The following ITPR2 variants were observed in gnomAD, a reference collection of about 807,000 sequenced individuals.
ITPR2 encodes the protein inositol 1,4,5-trisphosphate receptor type 2.
In ITPR2, 207 loss-of-function variants were observed where a neutral mutation model predicts 317.1. The observed-to-expected ratio is 0.65, with a 90% CI of 0.58 to 0.73. The LOEUF (loss-of-function observed/expected upper bound fraction) is 0.73. Ranked by LOEUF, ITPR2 falls within the 30% of genes least tolerant of loss-of-function variation. The pLI, the probability that ITPR2 is intolerant of heterozygous loss-of-function variation, is 0.00. For missense variants in ITPR2, 2,613 were observed against 3,284.0 expected, an observed-to-expected ratio of 0.80 and a Z score of 4.99; for synonymous variants, 1,156 against 1,149.1, an observed-to-expected ratio of 1.01 and a Z score of -0.12.
At chr12:26,356,511 G>A (rs536824795) in intron 55 of ITPR2, among the ~76,000 whole-genome samples, 16 of 152,292 alleles carry the variant, frequency 1.1e-4, no homozygotes, top group South Asian at 4.2e-4. Context: ...TATAAGATGC[G>A]TAGACACAAA....
Position 26,520,079 on chromosome 12 carries a change from G to T in ITPR2, c.5074-24819C>A, listed in dbSNP as rs141195907. On this transcript the variant is annotated intron_variant, in intron 37 of 56. Transcript: ENST00000381340. Reference sequence around the variant, plus strand: ...AAGAAACTATTCTTGTTACATTTTGGTACTATGCAGTATATTACCTATTCA... The same window carrying T: ...AAGAAACTATTCTTGTTACATTTTGTTACTATGCAGTATATTACCTATTCA... 4.4e-4 allele frequency among the ~76,000 whole-genome samples: 67 copies of T among 152,222 alleles called. 1 individual carries two copies. The highest frequency in any genetic ancestry group is 1.5e-3 in the African/African-American group (62 of 41,536).
intron 5 of ITPR2, among the ~76,000 whole-genome samples, chr12:26,717,376 T>C (rs1373448307): frequency 6.6e-6 from 1 of 152,226 alleles, no homozygotes; most frequent in African/African-American, 2.4e-5. Context: ...TGCTCACATA[T>C]GGTACTGTTG....
At chr12:26,583,775 A>T (rs537298541) in intron 32 of ITPR2, among the ~76,000 whole-genome samples, 2 of 152,284 alleles carry the variant, frequency 1.3e-5, no homozygotes, top group East Asian at 1.9e-4. Context: ...AATATACTCC[A>T]TGGATTTTTA....
chr12:26,424,517 T>A (rs1940986983), intron 49 of ITPR2, among the ~76,000 whole-genome samples: 1 of 151,928 alleles, frequency 6.6e-6, no homozygotes, highest in African/African-American at 2.4e-5. Flanking sequence ...ATTTCCTACC[T>A]CCTGGGTAAT....
intron 49 of ITPR2, among the ~76,000 whole-genome samples, chr12:26,426,759 T>C (rs1308150075): frequency 6.6e-6 from 1 of 152,106 alleles, no homozygotes; most frequent in South Asian, 2.1e-4. Context: ...GAATTGGCCA[T>C]ATTAGCTCAG....
intron 1 of ITPR2, among the ~76,000 whole-genome samples, chr12:26,800,557 G>T (rs1035654745): frequency 6.6e-6 from 1 of 152,136 alleles, no homozygotes; most frequent in Non-Finnish European, 1.5e-5. Flanking sequence ...GAGCCCAGGA[G>T]TCTGAGTTGA....
chr12:26,775,685 C>T (rs1232122690), intron 2 of ITPR2, among the ~76,000 whole-genome samples: 1 of 152,036 alleles, frequency 6.6e-6, no homozygotes, highest in Non-Finnish European at 1.5e-5. Context: ...TCTGGGCAGG[C>T]ACCATCTACT....
At chr12:26,666,513 A>C (rs560849007) in intron 13 of ITPR2, among the ~76,000 whole-genome samples, 26 of 152,360 alleles carry the variant, frequency 1.7e-4, no homozygotes, top group African/African-American at 5.8e-4. Context: ...AAGGGAAAAC[A>C]GCTATACTAA....
chr12:26,492,741 T>C (rs1337248223), intron 39 of ITPR2, among the ~76,000 whole-genome samples: 2 of 152,148 alleles, frequency 1.3e-5, no homozygotes, highest in Non-Finnish European at 2.9e-5. Flanking sequence ...AGTTTTGGTG[T>C]TCTACTGTAA....
At chr12:26,732,423 G>A (rs375076006) in intron 2 of ITPR2, among the ~76,000 whole-genome samples, 16 of 152,286 alleles carry the variant, frequency 1.1e-4, no homozygotes, top group East Asian at 9.6e-4. Flanking sequence ...CACATAGGAT[G>A]CTTGAATGCC....
At position 26,715,362 on chromosome 12, in the gene ITPR2, A is replaced by C. The variant is rs1948720252; in HGVS notation, c.792T>G (p.Leu264=). 6.2e-7 allele frequency: 1 copy of C among 1,613,770 alleles called. No homozygotes were observed. Among genetic ancestry groups the C allele is most frequent in the Admixed American group, 1.7e-5 (1 of 59,990 alleles). ...DEYEKKQHIF[L]RTTLRQSATS... ...TAGCTGATTGGCGCAAGGTCGTACG[A>C]AGGAAAATGTGCTGTTTTTTCTCAT... Residue 264 remains leucine, a synonymous_variant, in exon 8 of 57, where the codon CTT becomes CTG. Coordinates refer to ENST00000381340, the MANE Select transcript of ITPR2 (RefSeq NM_002223.4).
At chr12:26,410,555 T>A (rs1200135659) in intron 52 of ITPR2, among the ~76,000 whole-genome samples, 1 of 152,170 alleles carries the variant, frequency 6.6e-6, no homozygotes, top group African/African-American at 2.4e-5. Context: ...TCTTCCCTTA[T>A]CTGTCCTAAG....
At chr12:26,772,423 T>TTATATATATAATATATATATAA in intron 2 of ITPR2, among the ~76,000 whole-genome samples, 1 of 93,990 alleles carries the variant, frequency 1.1e-5, no homozygotes, top group Non-Finnish European at 2.5e-5. Flanking sequence ...TTTATATATA[T>TTATATATATAATATATATATAA]TATATATAAT....
At chr12:26,635,851 C>A (rs1292622157) in intron 21 of ITPR2, among the ~76,000 whole-genome samples, 1 of 152,196 alleles carries the variant, frequency 6.6e-6, no homozygotes, top group Non-Finnish European at 1.5e-5. Flanking sequence ...GGCTGAGGGT[C>A]TGGGTTATAA....
chr12:26,768,689 A>G (rs1949785839), intron 2 of ITPR2, among the ~76,000 whole-genome samples: 1 of 150,600 alleles, frequency 6.6e-6, no homozygotes, highest in Non-Finnish European at 1.5e-5. Flanking sequence ...TTAAGGACCC[A>G]CATCTGGGTC....
At chr12:26,829,339 CTTTT>C (rs201744477) in intron 1 of ITPR2, among the ~76,000 whole-genome samples, 2 of 147,364 alleles carry the variant, frequency 1.4e-5, no homozygotes, top group African/African-American at 5.0e-5. Flanking sequence ...TTCATAGCAC[CTTTT>C]TTTTTTAGAC....
At chr12:26,398,595 G>A (rs1382224352) in intron 54 of ITPR2, among the ~76,000 whole-genome samples, 1 of 152,134 alleles carries the variant, frequency 6.6e-6, no homozygotes, top group Non-Finnish European at 1.5e-5. Context: ...AAATCTGTTT[G>A]CCAGTTGGTG....
At chr12:26,367,174 G>A (rs1939038985) in intron 55 of ITPR2, among the ~76,000 whole-genome samples, 1 of 152,036 alleles carries the variant, frequency 6.6e-6, no homozygotes. Flanking sequence ...ATAAAGTACT[G>A]TGCCAAAGAT....
At chr12:26,757,436 G>A (rs137926459) in intron 2 of ITPR2, among the ~76,000 whole-genome samples, 55 of 152,144 alleles carry the variant, frequency 3.6e-4, no homozygotes, top group Middle Eastern at 6.8e-3. Flanking sequence ...GGCTGGTCTC[G>A]AACTCCCGAC....
Sources: gnomAD v4.1 joint callset for allele counts (sites outside exome capture counted in the v4.1 genomes callset) on GRCh38, gnomAD v4.1.1 for gene constraint, MANE v1.5 for transcripts, NCBI Gene and HGNC (gene_info 2026-07-23, HGNC 2026-07-21) for gene names.